GREM2: variants seen among roughly 807,000 people sequenced by gnomAD.
The protein encoded by GREM2 is gremlin 2, DAN family BMP antagonist, also known as gremlin-2.
Under a neutral mutation model 14.2 loss-of-function variants are expected in GREM2, and 11 were observed. That is an observed-to-expected ratio of 0.78 (90% CI 0.49 to 1.28). GREM2 has a LOEUF of 1.28. Ranked by LOEUF, GREM2 falls within the 50% of genes most tolerant of loss-of-function variation. GREM2 has a pLI of 0.00. For synonymous variants in GREM2, 98 were observed against 97.6 expected, an observed-to-expected ratio of 1.00 and a Z score of -0.02; for missense variants, 210 against 218.5, an observed-to-expected ratio of 0.96 and a Z score of 0.24.
chr1:240,519,662 T>C (rs1460654380), intron 1 of GREM2, among the ~76,000 whole-genome samples: 3 of 152,236 alleles, frequency 2.0e-5, no homozygotes, highest in Non-Finnish European at 2.9e-5. Flanking sequence ...TCCTTATTGT[T>C]TGTCTACTCT....
At chr1:240,610,405 T>G (rs1199037464) in intron 1 of GREM2, among the ~76,000 whole-genome samples, 2 of 152,222 alleles carry the variant, frequency 1.3e-5, no homozygotes, top group Non-Finnish European at 2.9e-5. Context: ...ATCATTCAGA[T>G]CAGTCGATGG....
chr1:240,611,114 CAAATA>C (rs1261191874), intron 1 of GREM2, among the ~76,000 whole-genome samples: 16 of 151,024 alleles, frequency 1.1e-4, no homozygotes, highest in Non-Finnish European at 1.9e-4. Context: ...GTTTTAGGAT[CAAATA>C]AAATAAAATC....
chr1:240,505,598 CT>C (rs894224315), intron 1 of GREM2, among the ~76,000 whole-genome samples: 3 of 151,664 alleles, frequency 2.0e-5, no homozygotes, highest in Non-Finnish European at 2.9e-5. Context: ...ATATTTATGC[CT>C]TTTTTTATCA....
intron 1 of GREM2, among the ~76,000 whole-genome samples, chr1:240,566,861 AC>A (rs1232149406): frequency 2.0e-5 from 3 of 152,108 alleles, no homozygotes; most frequent in Admixed American, 6.6e-5. Flanking sequence ...CAAAACAAAA[AC>A]CCAGGAAAGT....
At position 240,490,488 on chromosome 1, in the gene GREM2, G is replaced by C. The variant is rs189043577; in HGVS notation, c.*2481C>G. On this transcript the variant is annotated 3_prime_UTR_variant, in exon 2 of 2. Transcript: ENST00000318160. ...CCACTTTTATGGCACGTCACACCGGGATCACATATAATCCTAGATTATCTT... is the reference window on the plus strand; with the variant it reads ...CCACTTTTATGGCACGTCACACCGGCATCACATATAATCCTAGATTATCTT... 6.6e-6 allele frequency: 1 copy of C among 152,576 alleles called. No homozygotes were observed. Among genetic ancestry groups the C allele is most frequent in the East Asian group, 1.9e-4 (1 of 5,182 alleles). The allele number at this position is 152,576 out of a possible 1,614,324, so 9.5% of individuals were successfully genotyped here.
chr1:240,525,581 C>T (rs1057007748), intron 1 of GREM2, among the ~76,000 whole-genome samples: 12 of 151,992 alleles, frequency 7.9e-5, no homozygotes, highest in African/African-American at 1.9e-4. Flanking sequence ...CGGGTTCAAG[C>T]GACTTTGGTG....
chr1:240,584,203 T>G (rs1036146918), intron 1 of GREM2, among the ~76,000 whole-genome samples: 1 of 152,020 alleles, frequency 6.6e-6, no homozygotes, highest in Admixed American at 6.6e-5. Flanking sequence ...TACAAAAAAT[T>G]TTTTAAAATG....
At chr1:240,537,409 A>G (rs1273988337) in intron 1 of GREM2, among the ~76,000 whole-genome samples, 1 of 152,186 alleles carries the variant, frequency 6.6e-6, no homozygotes, top group Non-Finnish European at 1.5e-5. Context: ...CAGAGAACAC[A>G]GAGATGGACA....
In GREM2 at chr1:240,591,052, T is replaced by A. The variant is rs997281785; in HGVS notation, c.-2+20832A>T. 2.0e-5 allele frequency among the ~76,000 whole-genome samples: 3 copies of A among 152,126 alleles called. No homozygotes were observed. The East Asian group carries it at 5.8e-4, about 29-fold the overall frequency. On this transcript the variant is annotated intron_variant, in intron 1 of 1. Transcript: ENST00000318160. ...TCCTTGGCCTCCCGAAGTGCTGGGA[T>A]TACAGGCGTGAGCCACCATGCCCAG... is the stretch of plus-strand genomic sequence containing the variant.
intron 1 of GREM2, among the ~76,000 whole-genome samples, chr1:240,581,427 C>T (rs373102718): frequency 6.6e-6 from 1 of 152,000 alleles, no homozygotes; most frequent in East Asian, 1.9e-4. Context: ...GTTAGCAGGG[C>T]CTGATATGTG....
chr1:240,546,736 TGAGA>T, intron 1 of GREM2, among the ~76,000 whole-genome samples: 1 of 152,258 alleles, frequency 6.6e-6, no homozygotes, highest in Middle Eastern at 3.4e-3. Flanking sequence ...CTTTTGGGAA[TGAGA>T]GAGAAAATGA....
intron 1 of GREM2, among the ~76,000 whole-genome samples, chr1:240,599,717 A>G (rs551089144): frequency 1.3e-5 from 2 of 152,222 alleles, no homozygotes; most frequent in Non-Finnish European, 2.9e-5. Context: ...GTCAAAATGT[A>G]CCACAACACT....
At chr1:240,559,272 C>T (rs1213329708) in intron 1 of GREM2, among the ~76,000 whole-genome samples, 1 of 150,514 alleles carries the variant, frequency 6.6e-6, no homozygotes. Context: ...TATGTTGACA[C>T]ATCTATTGTA....
At chr1:240,514,247 CAAAAAAAAAAAA>C (rs34702912) in intron 1 of GREM2, among the ~76,000 whole-genome samples, 6 of 80,284 alleles carry the variant, frequency 7.5e-5, no homozygotes, top group African/African-American at 9.6e-5. Flanking sequence ...GATTCCATCT[CAAAAAAAAAAAA>C]AAAAAAAAAA....
rs541732836 is a variant in GREM2 at position 240,509,726 on chromosome 1, G to A, written c.-1-16250C>T. Among the ~76,000 whole-genome samples, 85 of 152,244 alleles carry A rather than the reference G, an allele frequency of 5.6e-4. 1 individual carries two copies. The highest frequency in any genetic ancestry group is 4.6e-3 in the Admixed American group (70 of 15,282). On this transcript the variant is annotated intron_variant, in intron 1 of 1. Coordinates refer to ENST00000318160, the MANE Select transcript of GREM2 (RefSeq NM_022469.4). Reference sequence around the variant, plus strand: ...CTCTCCCCAGCTTCCCATGAAGTTCGAATCTCTTTCAGGCAACACACATTG... The same window carrying A: ...CTCTCCCCAGCTTCCCATGAAGTTCAAATCTCTTTCAGGCAACACACATTG...
At chr1:240,598,846 G>T (rs1679866657) in intron 1 of GREM2, among the ~76,000 whole-genome samples, 1 of 152,110 alleles carries the variant, frequency 6.6e-6, no homozygotes, top group Non-Finnish European at 1.5e-5. Context: ...TTGCCCCATA[G>T]TGCATAGTCC....
At chr1:240,609,220 A>T (rs551145472) in intron 1 of GREM2, among the ~76,000 whole-genome samples, 1 of 152,032 alleles carries the variant, frequency 6.6e-6, no homozygotes, top group Non-Finnish European at 1.5e-5. Flanking sequence ...CATCCCCTTA[A>T]CATCCATGTG....
intron 1 of GREM2, among the ~76,000 whole-genome samples, chr1:240,554,917 G>A (rs1678925727): frequency 6.6e-6 from 1 of 152,144 alleles, no homozygotes; most frequent in African/African-American, 2.4e-5. Context: ...GTTGAGGCGG[G>A]AGGATCACCT....
At chr1:240,591,075 C>G (rs1162292493) in intron 1 of GREM2, among the ~76,000 whole-genome samples, 1 of 152,212 alleles carries the variant, frequency 6.6e-6, no homozygotes, top group Non-Finnish European at 1.5e-5. Context: ...CCACCATGCC[C>G]AGCCAGAAAT....
Sources: allele counts gnomAD v4.1 joint callset (sites outside exome capture counted in the v4.1 genomes callset), GRCh38; gene constraint gnomAD v4.1.1; transcripts MANE v1.5; gene names NCBI Gene and HGNC (gene_info 2026-07-23, HGNC 2026-07-21).